The following TTLL11 variants were observed in gnomAD, a reference collection of about 807,000 sequenced individuals.
TTLL11 encodes tubulin tyrosine ligase like 11.
Under a neutral mutation model 51.7 loss-of-function variants are expected in TTLL11, and 42 were observed. That is an observed-to-expected ratio of 0.81 (90% confidence interval 0.64 to 1.05). TTLL11 has a LOEUF of 1.05. Ranked by LOEUF, TTLL11 falls within the 50% of genes least tolerant of loss-of-function variation. The pLI is 0.00. For synonymous variants in TTLL11, 381 were observed against 383.5 expected, an observed-to-expected ratio of 0.99 and a Z score of 0.08; for missense variants, 799 against 940.4, an observed-to-expected ratio of 0.85 and a Z score of 1.97.
chr9:121,928,441 A>ATTTTT (rs35562644), intron 6 of TTLL11, among the ~76,000 whole-genome samples: 3 of 131,860 alleles, frequency 2.3e-5, no homozygotes, highest in African/African-American at 8.5e-5. Flanking sequence ...TTTGTTTTGG[A>ATTTTT]TTTTTTTTTT....
At chr9:122,035,125 C>A (rs1056105026) in intron 2 of TTLL11, among the ~76,000 whole-genome samples, 1 of 152,180 alleles carries the variant, frequency 6.6e-6, no homozygotes, top group Non-Finnish European at 1.5e-5. Context: ...CTCTCCAATG[C>A]CCCTCCTCTC....
chr9:121,894,794 T>A (rs1410422497), intron 6 of TTLL11, among the ~76,000 whole-genome samples: 1 of 152,186 alleles, frequency 6.6e-6, no homozygotes, highest in East Asian at 1.9e-4. Context: ...AAATACCTAA[T>A]GTAGATGACA....
Position 121,826,217 on chromosome 9 carries a change from T to TATATATATACAC in TTLL11, c.1841-3339_1841-3338insGTGTATATATAT, listed in dbSNP as rs1491163835. On this transcript the variant is annotated intron_variant, in intron 8 of 8. Transcript: ENST00000321582. ...ATATATATATATATATATATATATATGCACACATATATATATACACGCACA... is the reference window on the plus strand; with the variant it reads ...ATATATATATATATATATATATATATATATATATACACGCACACATATATATATACACGCACA... Among the ~76,000 whole-genome samples, 79 of 58,094 alleles carry TATATATATACAC rather than the reference T, an allele frequency of 1.4e-3. 1 individual carries two copies. Among genetic ancestry groups the TATATATATACAC allele is most frequent in the South Asian group, 3.1e-3 (4 of 1,280 alleles). The allele number at this position is 58,094 out of a possible 152,430, so 38.1% of individuals were successfully genotyped here. A position where few individuals can be genotyped will look rare whatever the true frequency, so the allele number is the denominator to read the frequency against.
intron 1 of TTLL11, among the ~76,000 whole-genome samples, chr9:122,050,661 G>A (rs1234092632): frequency 6.6e-6 from 1 of 152,120 alleles, no homozygotes; most frequent in Non-Finnish European, 1.5e-5. Context: ...GATGACCAAT[G>A]GCATACAGCA....
At chr9:121,892,459 C>CT (rs1839281628) in intron 6 of TTLL11, among the ~76,000 whole-genome samples, 1 of 152,044 alleles carries the variant, frequency 6.6e-6, no homozygotes, top group South Asian at 2.1e-4. Context: ...GGGGTTTCCC[C>CT]TTATAAAACC....
chr9:122,018,962 C>T (rs1844080092), intron 3 of TTLL11, among the ~76,000 whole-genome samples: 2 of 152,226 alleles, frequency 1.3e-5, no homozygotes, highest in East Asian at 1.9e-4. Context: ...GAGCAACAAA[C>T]ACTTGCCATC....
intron 6 of TTLL11, 66 bp downstream of exon 6, chr9:121,973,943 C>A (rs62574009): frequency 8.4e-7 from 1 of 1,191,596 alleles, no homozygotes; most frequent in South Asian, 1.4e-5. Flanking sequence ...AACTTACCTG[C>A]TTAGGATACG....
At chr9:121,869,934 T>C (rs1278510006) in intron 7 of TTLL11, among the ~76,000 whole-genome samples, 2 of 152,232 alleles carry the variant, frequency 1.3e-5, no homozygotes, top group Non-Finnish European at 2.9e-5. Context: ...CTTTGCAGGC[T>C]GCAGCAAAGA....
At chr9:121,924,696 A>G (rs1476914575) in intron 6 of TTLL11, among the ~76,000 whole-genome samples, 1 of 151,956 alleles carries the variant, frequency 6.6e-6, no homozygotes, top group Non-Finnish European at 1.5e-5. Context: ...ACTTCCAGAA[A>G]GAGGAAAGAA....
At chr9:121,997,593 T>C (rs58862832) in intron 3 of TTLL11, among the ~76,000 whole-genome samples, 4 of 152,146 alleles carry the variant, frequency 2.6e-5, no homozygotes, top group African/African-American at 7.2e-5. Flanking sequence ...GGCTTCGGAG[T>C]CAGGCAGACC....
chr9:121,952,301 C>G (rs1841874657), intron 6 of TTLL11, among the ~76,000 whole-genome samples: 1 of 152,044 alleles, frequency 6.6e-6, no homozygotes, highest in Non-Finnish European at 1.5e-5. Flanking sequence ...CAAAAATTAG[C>G]CACGTGTGGT....
At chr9:122,085,149 ACT>A (rs1485106072) in intron 1 of TTLL11, among the ~76,000 whole-genome samples, 1 of 152,076 alleles carries the variant, frequency 6.6e-6, no homozygotes, top group East Asian at 1.9e-4. Context: ...AGTCCCAGCT[ACT>A]CAGGAGGCTG....
At chr9:122,087,651 A>T (rs1846161038) in intron 1 of TTLL11, among the ~76,000 whole-genome samples, 1 of 152,158 alleles carries the variant, frequency 6.6e-6, no homozygotes, top group African/African-American at 2.4e-5. Context: ...AACACAACCT[A>T]CATCTCCAAA....
chr9:121,952,386 C>G (rs896660091), intron 6 of TTLL11, among the ~76,000 whole-genome samples: 1 of 146,226 alleles, frequency 6.8e-6, no homozygotes, highest in Admixed American at 7.0e-5. Context: ...ACAGAGGTTG[C>G]AGTGAGCCGA....
rs1341089476 is a variant in TTLL11 at position 121,974,098 on chromosome 9, G to T, written c.1392C>A (p.Val464=). The T allele has an allele frequency of 2.6e-6, 4 of 1,551,602 alleles. No individual in the cohort carries two copies. The East Asian group carries it at 9.8e-5, about 38-fold the overall frequency. The part of the protein sequence containing the change: ...HELSPGVFEN[V]PSLVDEEVKV... ...TCACTTCTTCATCAACGAGGCTGGG[G>T]ACATTTTCAAACACCCCTGGAGAAA... is the stretch of plus-strand genomic sequence containing the variant. The change falls in exon 6 of 9, where the codon GTC becomes GTA. Residue 464 remains valine, a synonymous_variant. Transcript: ENST00000321582.
At chr9:121,857,159 A>T (rs1010048491) in intron 8 of TTLL11, among the ~76,000 whole-genome samples, 1 of 152,088 alleles carries the variant, frequency 6.6e-6, no homozygotes, top group Non-Finnish European at 1.5e-5. Flanking sequence ...AGTGAGGAAA[A>T]CTCAGAGGAC....
At chr9:121,871,584 T>G (rs957402402) in intron 6 of TTLL11, among the ~76,000 whole-genome samples, 12 of 152,194 alleles carry the variant, frequency 7.9e-5, no homozygotes, top group African/African-American at 2.9e-4. Context: ...GCTTTGCCCA[T>G]CCATAGATCC....
intron 6 of TTLL11, among the ~76,000 whole-genome samples, chr9:121,972,492 G>A (rs899741679): frequency 6.6e-6 from 1 of 152,214 alleles, no homozygotes; most frequent in African/African-American, 2.4e-5. Context: ...CACCTGGTGG[G>A]ATTGGCCCAT....
chr9:122,085,028 G>A (rs1476150437), intron 1 of TTLL11, among the ~76,000 whole-genome samples: 1 of 152,228 alleles, frequency 6.6e-6, no homozygotes, highest in Non-Finnish European at 1.5e-5. Context: ...GGGAGGCTGA[G>A]GCGGGCAGAT....
Sources: allele counts gnomAD v4.1 joint callset (sites outside exome capture counted in the v4.1 genomes callset), GRCh38; gene constraint gnomAD v4.1.1; transcripts MANE v1.5; gene names NCBI Gene and HGNC (gene_info 2026-07-23, HGNC 2026-07-21).